LRP2: variants seen among roughly 807,000 people sequenced by gnomAD.
LRP2 encodes the protein low-density lipoprotein receptor-related protein 2.
Under a neutral mutation model 531.0 loss-of-function variants are expected in LRP2, and 172 were observed. The ratio of observed to expected loss-of-function variants is 0.32; its 90% CI spans 0.29 to 0.37. The LOEUF (loss-of-function observed/expected upper bound fraction) is 0.37, where lower values mean the gene tolerates loss of function less well. Among genes scored for constraint, LRP2 ranks in the 10% least tolerant of loss-of-function variants. The probability of loss-of-function intolerance (pLI) is 1.00; values close to 1 mark genes in which losing one functional copy is unlikely to be tolerated. For synonymous variants in LRP2, 1,992 were observed against 2,027.6 expected (o/e 0.98, Z 0.47); for missense variants, 5,167 against 5,868.3 (o/e 0.88, Z 3.90).
In LRP2 at chr2:169,238,299, G is replaced by A. The variant is rs754712223; in HGVS notation, c.4298C>T (p.Ser1433Phe). ...SDGRTCKVTA[S>F]ESLLLLVASQ... ...TGCCACAAGTAACAGCAGACTCTCAGATGCTGTTCAAGAAAAAAATGCAAA... is the reference window on the plus strand; with the variant it reads ...TGCCACAAGTAACAGCAGACTCTCAAATGCTGTTCAAGAAAAAAATGCAAA... The change falls in exon 27 of 79, where the codon TCT (serine) becomes TTT (phenylalanine). Residue 1433 changes from serine (S) to phenylalanine (F), a missense_variant. By Grantham distance (155) the Ser-to-Phe change is radical. Coordinates refer to ENST00000649046, the MANE Select transcript of LRP2 (RefSeq NM_004525.3). 1.2e-6 allele frequency: 2 copies of A among 1,612,512 alleles called. No homozygotes were observed. The highest frequency in any genetic ancestry group is 1.7e-6 in the Non-Finnish European group (2 of 1,178,564).
rs747091800 is a variant in LRP2 at position 169,233,583 on chromosome 2, T to C, written c.4926A>G (p.Ile1642Met). 5.1e-5 allele frequency: 82 copies of C among 1,613,930 alleles called. 2 individuals carry two copies. In the South Asian group the frequency reaches 6.7e-4, roughly 13 times the overall value. ...RRQVIASDLI[I>M]RHPYALTLFE... ...AGAGAGTTAGGGCATAGGGGTGCCG[T>C]ATAATCTGTGAGGCAGAAGAGAACA... Residue 1642 changes from isoleucine to methionine, a missense_variant, in exon 30 of 79, where the codon ATA becomes ATG. Physicochemically the swap from Ile to Met is conservative, Grantham distance 10. This residue lies in a region of LRP2 where 2,811 missense variants were observed against 3,058.0 expected (regional missense o/e 0.92). Transcript: ENST00000649046.
chr2:169,316,141 CAA>C (rs34270545), intron 3 of LRP2, among the ~76,000 whole-genome samples: 2 of 128,560 alleles, frequency 1.6e-5, no homozygotes, highest in Non-Finnish European at 3.4e-5. Context: ...GACCCTGTCT[CAA>C]AAAAAAAAAA....
At chr2:169,273,964 T>C (rs1442821080) in intron 14 of LRP2, among the ~76,000 whole-genome samples, 2 of 152,160 alleles carry the variant, frequency 1.3e-5, no homozygotes, top group African/African-American at 4.8e-5. Context: ...AGATAAAATA[T>C]CTATTTTTAG....
chr2:169,205,886 A>T, intron 40 of LRP2, 137 bp downstream of exon 40: 1 of 1,218,574 alleles, frequency 8.2e-7, no homozygotes, highest in Non-Finnish European at 1.2e-6. Flanking sequence ...AAAATCACTC[A>T]ATATGCTTTC....
chr2:169,324,018 A>G (rs1365215425), intron 1 of LRP2, among the ~76,000 whole-genome samples: 1 of 152,194 alleles, frequency 6.6e-6, no homozygotes, highest in African/African-American at 2.4e-5. Flanking sequence ...TGTCTGTCCC[A>G]TCAATCAGAA....
At position 169,198,931 on chromosome 2, in the gene LRP2, T is replaced by A. The variant is rs763605439; in HGVS notation, c.8453-20A>T. On this transcript the variant is annotated intron_variant, in intron 44 of 78. Coordinates refer to ENST00000649046, the MANE Select transcript of LRP2 (RefSeq NM_004525.3). ...GATCAGCTTGAAAAAGACAACCAGA[T>A]AAATATTAGGAATATATCCACCAAA... The A allele has an allele frequency of 3.1e-6, 5 of 1,610,598 alleles. No homozygotes were observed. The highest frequency in any genetic ancestry group is 4.2e-6 in the Non-Finnish European group (5 of 1,177,984).
intron 1 of LRP2, among the ~76,000 whole-genome samples, chr2:169,331,524 C>T (rs980803057): frequency 2.0e-5 from 3 of 152,296 alleles, no homozygotes; most frequent in South Asian, 2.1e-4. Flanking sequence ...CTTCCCTACA[C>T]GTGGAAGGAA....
chr2:169,137,338 G>A, intron 76 of LRP2, 54 bp downstream of exon 76: 1 of 1,237,806 alleles, frequency 8.1e-7, no homozygotes, highest in Non-Finnish European at 1.2e-6. Context: ...TGACTCAATA[G>A]ATTAAGATCC....
chr2:169,261,050 A>AT (rs1690526771), intron 16 of LRP2, among the ~76,000 whole-genome samples: 2 of 152,074 alleles, frequency 1.3e-5, no homozygotes, highest in South Asian at 4.1e-4. Flanking sequence ...TGGTGGGCAG[A>AT]TTGCAAGAGG....
chr2:169,247,236 C>G, intron 20 of LRP2, 142 bp downstream of exon 20: 2 of 988,450 alleles, frequency 2.0e-6, no homozygotes, highest in Admixed American at 2.5e-5. Flanking sequence ...GTCTTACACT[C>G]TTAGATTATG....
chr2:169,238,584 T>C (rs1689692334), intron 26 of LRP2, among the ~76,000 whole-genome samples: 1 of 150,630 alleles, frequency 6.6e-6, no homozygotes, highest in Non-Finnish European at 1.5e-5. Flanking sequence ...TATGCTTACA[T>C]TCTTCCTTTT....
intron 21 of LRP2, 108 bp from the exon 22 acceptor site, chr2:169,245,040 A>G (rs1689953847): frequency 8.5e-7 from 1 of 1,173,462 alleles, no homozygotes; most frequent in Non-Finnish European, 1.3e-6. Flanking sequence ...GGCATTGTAT[A>G]TAATAAGGAG....
At chr2:169,158,845 G>GA (rs1491545996) in intron 63 of LRP2, among the ~76,000 whole-genome samples, 2 of 106,912 alleles carry the variant, frequency 1.9e-5, no homozygotes, top group African/African-American at 3.5e-5. Flanking sequence ...AACTTTCACA[G>GA]TAAAAAAAAA....
chr2:169,318,657 G>A (rs1481709519), intron 3 of LRP2, 105 bp downstream of exon 3: 2 of 1,517,456 alleles, frequency 1.3e-6, no homozygotes, highest in Non-Finnish European at 1.8e-6. Context: ...TTAAGGCCCT[G>A]CTCCACATTT....
intron 3 of LRP2, among the ~76,000 whole-genome samples, chr2:169,310,141 T>G (rs2105498070): frequency 6.6e-6 from 1 of 152,344 alleles, no homozygotes; most frequent in South Asian, 2.1e-4. Flanking sequence ...GATGGGGTTT[T>G]CTAAATATAC....
intron 4 of LRP2, among the ~76,000 whole-genome samples, chr2:169,303,912 T>TA (rs1684346637): frequency 1.3e-5 from 2 of 152,188 alleles, no homozygotes; most frequent in South Asian, 2.1e-4. Context: ...ACTTAAATTT[T>TA]TTTAAATAAA....
rs550406777 is a variant in LRP2, at chr2:169,255,963, A to G, written c.2770+143T>C. The G allele has an allele frequency of 4.0e-6, 3 of 751,816 alleles. No individual in the cohort carries two copies. The South Asian group carries it at 5.2e-5, about 13-fold the overall frequency. 46.6% of individuals were successfully genotyped at this position (751,816 alleles called of 1,614,324 possible). A position where few individuals can be genotyped will look rare whatever the true frequency, so the allele number is the denominator to read the frequency against. On this transcript the variant is annotated intron_variant, in intron 19 of 78. Transcript: ENST00000649046. The stretch of plus-strand genomic sequence containing the variant: ...CATCAACAAACCAAATGTTTTGTCT[A>G]AATATATAGCACCATTTTAAATTTT...
intron 9 of LRP2, among the ~76,000 whole-genome samples, chr2:169,285,972 T>C (rs1455595321): frequency 1.3e-5 from 2 of 152,118 alleles, no homozygotes; most frequent in Non-Finnish European, 2.9e-5. Flanking sequence ...ATGCAGAGGG[T>C]TATAGCCATA....
chr2:169,153,025 G>C (rs1574076178), intron 66 of LRP2, 61 bp from the exon 67 acceptor site: 3 of 1,504,552 alleles, frequency 2.0e-6, no homozygotes, highest in African/African-American at 1.4e-5. Flanking sequence ...GGAAGAACAG[G>C]GGTCTAATCA....
Sources: gnomAD v4.1 joint callset for allele counts (sites outside exome capture counted in the v4.1 genomes callset) on GRCh38, gnomAD v4.1.1 for gene constraint, gnomAD v4.1.1 regional missense constraint, MANE v1.5 for transcripts, NCBI Gene and HGNC (gene_info 2026-07-23, HGNC 2026-07-21) for gene names.